LCLAT1: variants seen among roughly 807,000 people sequenced by gnomAD.
LCLAT1 encodes the protein lysocardiolipin acyltransferase 1.
In LCLAT1, 11 loss-of-function variants were observed where a neutral mutation model predicts 30.7. That is an observed-to-expected ratio of 0.36 (90% CI 0.23 to 0.59). The LOEUF is 0.59. LCLAT1 is among the 20% of genes least tolerant of loss of function. LCLAT1 has a pLI of 0.77. For synonymous variants in LCLAT1, 155 were observed against 151.3 expected, an observed-to-expected ratio of 1.02 and a Z score of -0.18; for missense variants, 402 against 458.6, an observed-to-expected ratio of 0.88 and a Z score of 1.13.
chr2:30,568,358 A>G (rs1572636804), intron 5 of LCLAT1, among the ~76,000 whole-genome samples, 182 bp downstream of exon 5: 1 of 152,230 alleles, frequency 6.6e-6, no homozygotes, highest in Middle Eastern at 3.4e-3. Context: ...TGTTAGAGAT[A>G]TAGAAGAGAT....
intron 1 of LCLAT1, among the ~76,000 whole-genome samples, chr2:30,502,763 G>A (rs965110177): frequency 9.9e-5 from 15 of 151,798 alleles, no homozygotes; most frequent in Non-Finnish European, 1.9e-4. Flanking sequence ...TTGTTTATCC[G>A]TTCAACAAGT....
chr2:30,550,733 C>G (rs1221936453), intron 3 of LCLAT1, among the ~76,000 whole-genome samples: 1 of 152,118 alleles, frequency 6.6e-6, no homozygotes, highest in Non-Finnish European at 1.5e-5. Context: ...ACTCAATCCA[C>G]TAAGCACAGC....
chr2:30,575,846 C>T (rs188087151), intron 5 of LCLAT1, among the ~76,000 whole-genome samples: 1 of 152,152 alleles, frequency 6.6e-6, no homozygotes, highest in Non-Finnish European at 1.5e-5. Flanking sequence ...ATTGCAACCT[C>T]GTGTCTCTCT....
chr2:30,621,613 T>G (rs1377653994), intron 5 of LCLAT1, among the ~76,000 whole-genome samples: 1 of 152,070 alleles, frequency 6.6e-6, no homozygotes, highest in Non-Finnish European at 1.5e-5. Flanking sequence ...CAAAAAACTG[T>G]GAGCGACCAA....
At chr2:30,539,248 C>CAA (rs1663990205) in intron 3 of LCLAT1, among the ~76,000 whole-genome samples, 1 of 90,872 alleles carries the variant, frequency 1.1e-5, no homozygotes, top group African/African-American at 4.8e-5. Flanking sequence ...CGCGCCAGGC[C>CAA]TTTTTTTTTT....
At position 30,643,893 on chromosome 2, in the gene LCLAT1, ACTACT is replaced by A. The variant is rs753090409; in HGVS notation, c.*3278_*3282del. On this transcript the variant is annotated 3_prime_UTR_variant, in exon 6 of 6. Coordinates refer to ENST00000379509, the MANE Select transcript of LCLAT1 (RefSeq NM_001002257.3). ...ACACTGGTCACTGTAGCAGGTAAAC[ACTACT>A]CTAACGTGGAGAAATGAGCTTCATG... 1 of 152,644 alleles carries A rather than the reference ACTACT, an allele frequency of 6.6e-6. No homozygotes were observed. Among genetic ancestry groups the A allele is most frequent in the Non-Finnish European group, 1.5e-5 (1 of 68,044 alleles). 9.5% of individuals were successfully genotyped at this position (152,644 alleles called of 1,614,324 possible).
chr2:30,601,293 G>A (rs915439154), intron 5 of LCLAT1, among the ~76,000 whole-genome samples: 7 of 152,020 alleles, frequency 4.6e-5, no homozygotes, highest in African/African-American at 1.5e-4. Context: ...TTATAACAAG[G>A]GTTTCAAATA....
intron 1 of LCLAT1, among the ~76,000 whole-genome samples, chr2:30,472,613 G>A (rs1306159692): frequency 1.3e-5 from 2 of 152,184 alleles, no homozygotes; most frequent in African/African-American, 4.8e-5. Flanking sequence ...AAAGTGTTCT[G>A]TTGTGTTTTT....
At chr2:30,618,820 T>TAG (rs1163989540) in intron 5 of LCLAT1, among the ~76,000 whole-genome samples, 1 of 152,206 alleles carries the variant, frequency 6.6e-6, no homozygotes, top group Non-Finnish European at 1.5e-5. Context: ...CCAGTTCTAG[T>TAG]AGTTTTGTAG....
At chr2:30,541,563 A>G (rs1233399631) in intron 3 of LCLAT1, among the ~76,000 whole-genome samples, 2 of 152,162 alleles carry the variant, frequency 1.3e-5, no homozygotes, top group East Asian at 1.9e-4. Context: ...TCCATTTGTT[A>G]TAGGGTCTGT....
chr2:30,589,808 C>G (rs138919905), intron 5 of LCLAT1, among the ~76,000 whole-genome samples: 2 of 152,224 alleles, frequency 1.3e-5, no homozygotes, highest in South Asian at 4.1e-4. Flanking sequence ...ACCTACTAAT[C>G]TTTTAGTTCG....
rs140269442 is a variant in LCLAT1, at chr2:30,616,718, T to C, written c.629-23399T>C. On this transcript the variant is annotated intron_variant, in intron 5 of 5. Transcript: ENST00000379509. ...AAGTGATCCCTTAATTAGGGAATTA[T>C]ATCTTGCATTAACCAGGAAAGGAAA... Among the ~76,000 whole-genome samples, 138 of 152,244 alleles carry C rather than the reference T, an allele frequency of 9.1e-4. 1 individual carries two copies. The highest frequency in any genetic ancestry group is 3.2e-3 in the African/African-American group (131 of 41,558).
chr2:30,544,801 G>C (rs1393360270), intron 3 of LCLAT1, among the ~76,000 whole-genome samples: 2 of 152,096 alleles, frequency 1.3e-5, no homozygotes, highest in Admixed American at 1.3e-4. Context: ...TAGACTTAAG[G>C]TCCATAATCT....
rs760622200 is a variant in LCLAT1, at chr2:30,461,770, C to CCTTTTTTTTTTTTTTT, written c.-5+14387_-5+14388insCTTTTTTTTTTTTTTT. Among the ~76,000 whole-genome samples the CCTTTTTTTTTTTTTTT allele has an allele frequency of 1.3e-3, 173 of 131,672 alleles. 3 individuals are homozygous for CCTTTTTTTTTTTTTTT. The highest frequency in any genetic ancestry group is 4.4e-3 in the East Asian group (19 of 4,332). 86.4% of individuals were successfully genotyped at this position (131,672 alleles called of 152,430 possible). A position where few individuals can be genotyped will look rare whatever the true frequency, so the allele number is the denominator to read the frequency against. On this transcript the variant is annotated intron_variant, in intron 1 of 5. Transcript: ENST00000379509. ...TGTGGACCACTTTTTCTAAATTAAA[C>CCTTTTTTTTTTTTTTT]TTTTTTTTTTTTTTTTTTGAGACGG... is the stretch of plus-strand genomic sequence containing the variant.
At chr2:30,496,462 T>C (rs893373896) in intron 1 of LCLAT1, among the ~76,000 whole-genome samples, 6 of 152,152 alleles carry the variant, frequency 3.9e-5, no homozygotes, top group Non-Finnish European at 7.3e-5. Context: ...CATGTGGATA[T>C]GTGTGTGATA....
At chr2:30,567,443 T>G (rs1368108415) in intron 4 of LCLAT1, among the ~76,000 whole-genome samples, 1 of 152,216 alleles carries the variant, frequency 6.6e-6, no homozygotes, top group Non-Finnish European at 1.5e-5. Context: ...CTGTTTCCAC[T>G]AGACACTTCC....
At chr2:30,626,071 C>T (rs780662355) in intron 5 of LCLAT1, among the ~76,000 whole-genome samples, 8 of 152,208 alleles carry the variant, frequency 5.3e-5, no homozygotes, top group East Asian at 3.8e-4. Flanking sequence ...ATGCCTGGCA[C>T]ATCAGAGGCA....
chr2:30,544,177 A>G (rs1462189979), intron 3 of LCLAT1, among the ~76,000 whole-genome samples: 1 of 152,178 alleles, frequency 6.6e-6, no homozygotes, highest in Non-Finnish European at 1.5e-5. Flanking sequence ...ACAAGTGAAC[A>G]TGAGCTCCCA....
chr2:30,472,063 T>C (rs1682824566), intron 1 of LCLAT1, among the ~76,000 whole-genome samples: 1 of 152,224 alleles, frequency 6.6e-6, no homozygotes, highest in Non-Finnish European at 1.5e-5. Context: ...AACATTCTTC[T>C]GAGTGGAGTT....
Sources: gnomAD v4.1 joint callset for allele counts (sites outside exome capture counted in the v4.1 genomes callset) on GRCh38, gnomAD v4.1.1 for gene constraint, MANE v1.5 for transcripts, NCBI Gene and HGNC (gene_info 2026-07-23, HGNC 2026-07-21) for gene names.